RAI14: variants seen among roughly 807,000 people sequenced by gnomAD.
The protein encoded by RAI14 is retinoic acid induced 14, also known as ankycorbin.
In RAI14, 45 loss-of-function variants were observed where a neutral mutation model predicts 115.4. The observed-to-expected ratio is 0.39, with a 90% CI of 0.31 to 0.50. The LOEUF is 0.50. RAI14 is among the 20% of genes least tolerant of loss of function. The pLI is 0.85. For missense variants in RAI14, 939 were observed against 1,131.2 expected (o/e 0.83, Z 2.44); for synonymous variants, 371 against 415.4 (o/e 0.89, Z 1.30).
intron 2 of RAI14, among the ~76,000 whole-genome samples, chr5:34,718,178 T>C (rs1742225410): frequency 6.6e-6 from 1 of 152,226 alleles, no homozygotes; most frequent in African/African-American, 2.4e-5. Context: ...CTGCCCATTA[T>C]TTAAGAGAGA....
At chr5:34,672,148 A>T (rs1002396270) in intron 1 of RAI14, among the ~76,000 whole-genome samples, 28 of 152,282 alleles carry the variant, frequency 1.8e-4, no homozygotes, top group African/African-American at 6.3e-4. Context: ...GCATTAACCC[A>T]TGTGGACTTT....
chr5:34,721,469 G>A lies in RAI14; in HGVS notation c.36+34514G>A, dbSNP rs189560724. Among the ~76,000 whole-genome samples the A allele has an allele frequency of 2.3e-3, 343 of 151,886 alleles. 2 individuals carry two copies. The highest frequency in any genetic ancestry group is 4.4e-3 in the Non-Finnish European group (297 of 67,972). On this transcript the variant is annotated intron_variant, in intron 2 of 17. Coordinates refer to ENST00000265109, the MANE Select transcript of RAI14 (RefSeq NM_015577.3). The stretch of plus-strand genomic sequence containing the variant: ...TCATGCCTAGTCCAGAGCTCAAGAG[G>A]GATGTAGCAACTAAATGTATTATGA...
chr5:34,823,378 A>G lies in RAI14; in HGVS notation c.1536A>G (p.Ser512=). The G allele has an allele frequency of 5.6e-6, 9 of 1,614,138 alleles. No homozygotes were observed. Among genetic ancestry groups the G allele is most frequent in the Non-Finnish European group, 6.8e-6 (8 of 1,180,028 alleles). ...AGCAGATGAAACTCGGTCTTGTCTC[A>G]CCTGAAAGCATGGATAATTATTCAC... ...VQKQMKLGLV[S]PESMDNYSHF... Residue 512 remains serine (S), a synonymous_variant, in exon 15 of 18, where the codon TCA becomes TCG. Transcript: ENST00000265109. This position sits in a 1 kb window ranked among gnomAD's most constrained non-coding sequence, Gnocchi z 4.5.
intron 1 of RAI14, among the ~76,000 whole-genome samples, chr5:34,675,684 G>A (rs1743928554): frequency 6.6e-6 from 1 of 151,874 alleles, no homozygotes; most frequent in South Asian, 2.1e-4. Flanking sequence ...CCAGGAGTTT[G>A]AGGCTGCAGA....
At chr5:34,752,150 G>C (rs1197101333) in intron 2 of RAI14, among the ~76,000 whole-genome samples, 1 of 152,058 alleles carries the variant, frequency 6.6e-6, no homozygotes, top group East Asian at 1.9e-4. Context: ...TTTGAAGAAA[G>C]TATTTGCATG....
At chr5:34,807,728 G>A (rs1755097862) in intron 5 of RAI14, 72 bp from the exon 6 acceptor site, 1 of 1,191,390 alleles carries the variant, frequency 8.4e-7, no homozygotes, top group Non-Finnish European at 1.3e-6. Flanking sequence ...ATACCTTGCA[G>A]GAAAAGTCTG....
intron 2 of RAI14, among the ~76,000 whole-genome samples, chr5:34,750,166 T>A (rs529645887): frequency 8.5e-5 from 13 of 152,238 alleles, no homozygotes; most frequent in Admixed American, 2.6e-4. Flanking sequence ...TAGGGGGGAT[T>A]TCCTGCCATT....
At chr5:34,659,387 C>G (rs1342782818) in intron 1 of RAI14, among the ~76,000 whole-genome samples, 1 of 152,184 alleles carries the variant, frequency 6.6e-6, no homozygotes, top group Admixed American at 6.5e-5. Flanking sequence ...CCTGCCTCAT[C>G]CTCCAAAGTG....
chr5:34,726,720 G>C (rs1409906255), intron 2 of RAI14, among the ~76,000 whole-genome samples: 2 of 135,656 alleles, frequency 1.5e-5, no homozygotes, highest in Non-Finnish European at 3.2e-5. Context: ...CATGAGATCT[G>C]ATGGTTTTAT....
intron 7 of RAI14, among the ~76,000 whole-genome samples, chr5:34,809,099 T>C (rs550763492): frequency 6.6e-6 from 1 of 152,350 alleles, no homozygotes; most frequent in African/African-American, 2.4e-5. Context: ...TCAACCTAGA[T>C]TCTCTTCTGC....
intron 2 of RAI14, chr5:34,687,631 G>A: frequency 1.9e-6 from 3 of 1,549,172 alleles, no homozygotes; most frequent in East Asian, 2.4e-5. Flanking sequence ...ACCCTTCTAT[G>A]ATCCCAGTCT....
rs1296197261 is a variant in RAI14 at position 34,823,779 on chromosome 5, G to T, written c.1937G>T (p.Ser646Ile). The change falls in exon 15 of 18, where the codon AGC (serine) becomes ATC (isoleucine). Residue 646 changes from serine to isoleucine, a missense_variant. Coordinates refer to ENST00000265109, the MANE Select transcript of RAI14 (RefSeq NM_015577.3). This position sits in a 1 kb window ranked among gnomAD's most constrained non-coding sequence, Gnocchi z 4.5. ...RMIDELNKQV[S>I]ELSQLYKEAQ... Reference sequence around the variant, plus strand: ...ATAGATGAACTCAATAAACAGGTGAGCGAGCTGTCACAGCTGTACAAAGAA... The same window carrying T: ...ATAGATGAACTCAATAAACAGGTGATCGAGCTGTCACAGCTGTACAAAGAA... The T allele has an allele frequency of 6.2e-7, 1 of 1,614,068 alleles. No individual in the cohort carries two copies. The highest frequency in any genetic ancestry group is 1.3e-5 in the African/African-American group (1 of 74,930).
Position 34,671,757 on chromosome 5 carries a change from G to A in RAI14, c.-48-15115G>A, listed in dbSNP as rs559579721. 2.0e-5 allele frequency among the ~76,000 whole-genome samples: 3 copies of A among 152,082 alleles called. 1 individual carries two copies. In the South Asian group the frequency reaches 6.2e-4, roughly 32 times the overall value. ...ATGGAGTTGACATTCTTTTTTACTAGTGTTTGAAATCCATTGTATAAATCC... is the reference window on the plus strand; with the variant it reads ...ATGGAGTTGACATTCTTTTTTACTAATGTTTGAAATCCATTGTATAAATCC... On this transcript the variant is annotated intron_variant, in intron 1 of 17. Coordinates refer to ENST00000265109, the MANE Select transcript of RAI14 (RefSeq NM_015577.3).
intron 2 of RAI14, among the ~76,000 whole-genome samples, chr5:34,753,882 C>G (rs1201270814): frequency 6.7e-6 from 1 of 149,070 alleles, no homozygotes; most frequent in Non-Finnish European, 1.5e-5. Flanking sequence ...CCACTGCACT[C>G]CAGCCTGGTG....
intron 1 of RAI14, among the ~76,000 whole-genome samples, chr5:34,679,615 C>G (rs1282986752): frequency 1.3e-5 from 2 of 152,162 alleles, no homozygotes; most frequent in African/African-American, 4.8e-5. Flanking sequence ...TTGCTCTCCT[C>G]TGACCCTAAC....
chr5:34,779,942 G>A (rs1168381969), intron 3 of RAI14, among the ~76,000 whole-genome samples: 2 of 152,238 alleles, frequency 1.3e-5, no homozygotes, highest in African/African-American at 4.8e-5. Context: ...AACAAAGCTG[G>A]AGGCATCACA....
At chr5:34,715,430 CT>C (rs1378267472) in intron 2 of RAI14, among the ~76,000 whole-genome samples, 4 of 152,146 alleles carry the variant, frequency 2.6e-5, no homozygotes, top group African/African-American at 9.7e-5. Flanking sequence ...TTATCAGTCC[CT>C]AGCTTCTGCA....
chr5:34,822,181 TA>T (rs1420121952), intron 14 of RAI14, among the ~76,000 whole-genome samples: 2 of 147,340 alleles, frequency 1.4e-5, no homozygotes, highest in Non-Finnish European at 3.0e-5. Context: ...ATGCATAATA[TA>T]TAATTTTATA....
chr5:34,773,246 T>C (rs1008904557), intron 3 of RAI14, among the ~76,000 whole-genome samples: 1 of 152,138 alleles, frequency 6.6e-6, no homozygotes, highest in Non-Finnish European at 1.5e-5. Flanking sequence ...TCTCCCTATA[T>C]ACAAATATCA....
Sources: gnomAD v4.1 joint callset for allele counts (sites outside exome capture counted in the v4.1 genomes callset) on GRCh38, gnomAD v4.1.1 for gene constraint, Gnocchi (gnomAD v3.1) non-coding constraint, MANE v1.5 for transcripts, NCBI Gene and HGNC (gene_info 2026-07-23, HGNC 2026-07-21) for gene names.